The following WDR7 variants were observed in gnomAD, a reference collection of about 807,000 sequenced individuals.
WDR7 encodes the protein WD repeat domain 7.
WDR7 carries 46 observed loss-of-function variants against 169.4 expected under a neutral mutation model. That is an observed-to-expected ratio of 0.27 (90% confidence interval 0.21 to 0.35). The LOEUF (loss-of-function observed/expected upper bound fraction) is 0.35, where lower values mean the gene tolerates loss of function less well. Among genes scored for constraint, WDR7 ranks in the 10% least tolerant of loss-of-function variants. The probability of loss-of-function intolerance (pLI) is 1.00; values close to 1 mark genes in which losing one functional copy is unlikely to be tolerated. For synonymous variants in WDR7, 612 were observed against 666.8 expected, an observed-to-expected ratio of 0.92 and a Z score of 1.27; for missense variants, 1,534 against 1,859.3, an observed-to-expected ratio of 0.83 and a Z score of 3.22.
intron 20 of WDR7, among the ~76,000 whole-genome samples, chr18:56,832,556 C>T (rs2145289184): frequency 6.6e-6 from 1 of 152,310 alleles, no homozygotes; most frequent in African/African-American, 2.4e-5. Context: ...AGATACCTCC[C>T]AGCAGGGGTC....
In WDR7 at chr18:56,718,040, G is replaced by A. The variant is rs1427885027; in HGVS notation, c.1655G>A (p.Cys552Tyr). 1.2e-6 allele frequency: 2 copies of A among 1,614,004 alleles called. No individual in the cohort carries two copies. The highest frequency in any genetic ancestry group is 1.7e-6 in the Non-Finnish European group (2 of 1,180,006). The change falls in exon 13 of 28, where the codon TGC becomes TAC. Residue 552 changes from cysteine (C) to tyrosine (Y), a missense_variant. By Grantham distance (194) the Cys-to-Tyr change is radical. Coordinates refer to ENST00000254442, the MANE Select transcript of WDR7 (RefSeq NM_015285.3). ...VGLLSLREKK[C>Y]IMLASRHLFP... ...CTTCTAAGTTTGCGAGAGAAAAAAT[G>A]CATAATGTTGGCATCTCGTCACCTT... is the stretch of plus-strand genomic sequence containing the variant.
At chr18:57,022,244 G>A (rs560022125) in intron 27 of WDR7, among the ~76,000 whole-genome samples, 2 of 152,128 alleles carry the variant, frequency 1.3e-5, no homozygotes, top group Admixed American at 6.5e-5. Context: ...CCCCCCCGCC[G>A]CCACTCGTGT....
chr18:56,895,003 A>C (rs1289086993), intron 21 of WDR7, among the ~76,000 whole-genome samples: 1 of 152,154 alleles, frequency 6.6e-6, no homozygotes, highest in South Asian at 2.1e-4. Flanking sequence ...AACAATGAGT[A>C]GAATAACTTT....
rs147526440 is a variant in WDR7 at position 56,750,006 on chromosome 18, G to GGT, written c.1990-6563_1990-6562dup. On this transcript the variant is annotated intron_variant, in intron 14 of 27. Coordinates refer to ENST00000254442, the MANE Select transcript of WDR7 (RefSeq NM_015285.3). The stretch of plus-strand genomic sequence containing the variant: ...TTGTTGCTGGAGGCTACTGTGTATG[G>GGT]GTGTGTGTGTGTGTGCGTGTGTGTG... 9.9e-3 allele frequency among the ~76,000 whole-genome samples: 1,471 copies of GGT among 149,206 alleles called. 14 individuals carry two copies. The highest frequency in any genetic ancestry group is 0.014 in the Non-Finnish European group (904 of 66,872).
rs753156803 is a variant in WDR7, at chr18:56,816,095, A to G, written c.3255A>G (p.Ala1085=). 1.9e-6 allele frequency: 3 copies of G among 1,613,786 alleles called. No homozygotes were observed. Among genetic ancestry groups the G allele is most frequent in the Admixed American group, 1.7e-5 (1 of 59,950 alleles). ...TTAPDASGPE[A]KVQEEEHDLV... ...CTCCTGATGCCTCAGGGCCTGAAGC[A>G]AAAGTCCAGGAGGAAGAGCATGACC... Residue 1085 remains alanine (A), a synonymous_variant, in exon 20 of 28, where the codon GCA becomes GCG. Coordinates refer to ENST00000254442, the MANE Select transcript of WDR7 (RefSeq NM_015285.3).
At chr18:56,668,607 G>A (rs12970295) in intron 1 of WDR7, among the ~76,000 whole-genome samples, 11,171 of 152,224 alleles carry the variant, frequency 0.073, 579 homozygotes, top group East Asian at 0.25. Context: ...GCTCTAAAAT[G>A]TATACTAATT....
chr18:56,942,498 A>T (rs1257918888), intron 25 of WDR7, among the ~76,000 whole-genome samples: 5 of 152,192 alleles, frequency 3.3e-5, no homozygotes, highest in Non-Finnish European at 7.3e-5. Flanking sequence ...TAAGAAAAAG[A>T]ACTTTTCCAA....
chr18:57,001,473 A>G (rs948130323), intron 26 of WDR7, among the ~76,000 whole-genome samples: 2 of 152,152 alleles, frequency 1.3e-5, no homozygotes, highest in African/African-American at 4.8e-5. Context: ...GGATCCAGGC[A>G]GGAGCAACAA....
intron 20 of WDR7, among the ~76,000 whole-genome samples, chr18:56,857,231 T>C (rs1164995234): frequency 6.6e-6 from 1 of 152,134 alleles, no homozygotes; most frequent in East Asian, 1.9e-4. Context: ...GAACTCTTAG[T>C]GGACCAGGAA....
intron 20 of WDR7, among the ~76,000 whole-genome samples, chr18:56,837,044 T>C (rs2045407394): frequency 6.6e-6 from 1 of 152,200 alleles, no homozygotes; most frequent in South Asian, 2.1e-4. Flanking sequence ...CTGACATCTG[T>C]TTGAATGACA....
intron 26 of WDR7, among the ~76,000 whole-genome samples, chr18:56,963,120 A>G (rs1205389523): frequency 1.3e-5 from 2 of 152,258 alleles, no homozygotes; most frequent in South Asian, 2.1e-4. Flanking sequence ...CTGATTCTCA[A>G]TATATACCAG....
At position 56,958,698 on chromosome 18, in the gene WDR7, T is replaced by C. The variant is rs368350040; in HGVS notation, c.4065-3732T>C. Among the ~76,000 whole-genome samples, 12 of 152,250 alleles carry C rather than the reference T, an allele frequency of 7.9e-5. No homozygotes were observed. In the East Asian group the frequency reaches 1.7e-3, roughly 22 times the overall value. ...TACAATTGTTTGTTTCCACTGAAAA[T>C]ACATTTCTAGAAGGGTCATGGGAGA... is the stretch of plus-strand genomic sequence containing the variant. On this transcript the variant is annotated intron_variant, in intron 25 of 27. Coordinates refer to ENST00000254442, the MANE Select transcript of WDR7 (RefSeq NM_015285.3).
rs145591281 is a variant in WDR7, at chr18:56,921,909, C to T, written c.3527-2013C>T. Among the ~76,000 whole-genome samples the T allele has an allele frequency of 2.7e-3, 407 of 152,254 alleles. 1 individual carries two copies. The highest frequency in any genetic ancestry group is 9.5e-3 in the African/African-American group (395 of 41,558). ...GCCTCTAGTGTTGCCTGTATGCTCC[C>T]ATCTGTAATGAATACAAAAATGGTA... is the stretch of plus-strand genomic sequence containing the variant. On this transcript the variant is annotated intron_variant, in intron 21 of 27. Coordinates refer to ENST00000254442, the MANE Select transcript of WDR7 (RefSeq NM_015285.3).
At chr18:56,857,839 A>AGCAGAC (rs1057184781) in intron 20 of WDR7, among the ~76,000 whole-genome samples, 3 of 152,152 alleles carry the variant, frequency 2.0e-5, no homozygotes, top group Non-Finnish European at 4.4e-5. Flanking sequence ...CCTGCAGCCC[A>AGCAGAC]AAACGCTGTG....
rs2144971343 is a variant in WDR7, at chr18:56,762,136, T to G, written c.2848+3183T>G. 1.3e-5 allele frequency among the ~76,000 whole-genome samples: 2 copies of G among 152,222 alleles called. 1 individual carries two copies. The highest frequency in any genetic ancestry group is 4.1e-4 in the South Asian group (2 of 4,824). On this transcript the variant is annotated intron_variant, in intron 16 of 27. Transcript: ENST00000254442. ...TTTTCCTCTATTAATGTGGCAAATT[T>G]AGAACATAAACCCAATCTTGCATCC...
intron 1 of WDR7, among the ~76,000 whole-genome samples, chr18:56,664,133 A>G (rs1286777697): frequency 6.6e-6 from 1 of 152,138 alleles, no homozygotes; most frequent in East Asian, 1.9e-4. Flanking sequence ...CTCTTTTCTC[A>G]CTTGTCTTAT....
intron 21 of WDR7, among the ~76,000 whole-genome samples, chr18:56,888,148 T>C (rs2046220874): frequency 6.6e-6 from 1 of 152,222 alleles, no homozygotes; most frequent in Non-Finnish European, 1.5e-5. Context: ...GAAACCCCAG[T>C]TATCCACATT....
At chr18:56,692,584 A>G (rs571650315) in intron 9 of WDR7, among the ~76,000 whole-genome samples, 2 of 152,084 alleles carry the variant, frequency 1.3e-5, no homozygotes, top group East Asian at 3.9e-4. Context: ...TTGTATATCT[A>G]TGTACAATTA....
chr18:56,947,736 C>G (rs955998656), intron 25 of WDR7, among the ~76,000 whole-genome samples: 17 of 152,178 alleles, frequency 1.1e-4, no homozygotes, highest in Non-Finnish European at 1.6e-4. Context: ...AACGTGAAGG[C>G]GTAGAGCAGT....
Sources: allele counts gnomAD v4.1 joint callset (sites outside exome capture counted in the v4.1 genomes callset), GRCh38; gene constraint gnomAD v4.1.1; transcripts MANE v1.5; gene names NCBI Gene and HGNC (gene_info 2026-07-23, HGNC 2026-07-21).